RCL1: variants seen among roughly 807,000 people sequenced by gnomAD.
RCL1 encodes RNA terminal phosphate cyclase like 1, also known as RNA 3'-terminal phosphate cyclase-like protein.
In RCL1, 24 loss-of-function variants were observed where a neutral mutation model predicts 42.4. That is an observed-to-expected ratio of 0.57 (90% CI 0.41 to 0.80). The LOEUF is 0.80. Among genes scored for constraint, RCL1 ranks in the 30% least tolerant of loss-of-function variants. The pLI is 0.00. For synonymous variants in RCL1, 228 were observed against 177.3 expected, an observed-to-expected ratio of 1.29 and a Z score of -2.27; for missense variants, 578 against 467.9, an observed-to-expected ratio of 1.24 and a Z score of -2.17.
At chr9:4,836,543 G>A (rs1030501951) in intron 5 of RCL1, among the ~76,000 whole-genome samples, 1 of 152,076 alleles carries the variant, frequency 6.6e-6, no homozygotes, top group Non-Finnish European at 1.5e-5. Flanking sequence ...ACAGGATCTG[G>A]GTGGGAGCAG....
At chr9:4,793,279 C>G (rs751420456) in intron 1 of RCL1, 52 bp downstream of exon 1, 12 of 1,528,460 alleles carry the variant, frequency 7.9e-6, no homozygotes, top group Middle Eastern at 1.7e-4. Flanking sequence ...GAGGGGAGAC[C>G]GAGCTGATGC....
At chr9:4,813,790 A>G (rs1816267714) in intron 1 of RCL1, among the ~76,000 whole-genome samples, 2 of 152,222 alleles carry the variant, frequency 1.3e-5, no homozygotes, top group South Asian at 4.1e-4. Flanking sequence ...AACCAACCCA[A>G]ATGTCCATCA....
chr9:4,824,677 T>A (rs1012198783), intron 2 of RCL1, among the ~76,000 whole-genome samples: 3 of 152,196 alleles, frequency 2.0e-5, no homozygotes, highest in Non-Finnish European at 4.4e-5. Context: ...CTTTTCCCTA[T>A]CTTGGCTCTC....
intron 1 of RCL1, among the ~76,000 whole-genome samples, chr9:4,810,465 T>C (rs1816134838): frequency 6.6e-6 from 1 of 152,250 alleles, no homozygotes; most frequent in East Asian, 1.9e-4. Flanking sequence ...CTGGCCTCTT[T>C]AGCTCTGTTG....
At chr9:4,850,288 T>G (rs192306656) in intron 8 of RCL1, 10 of 533,348 alleles carry the variant, frequency 1.9e-5, no homozygotes, top group Non-Finnish European at 3.5e-5. Context: ...CAGGTAGATA[T>G]GAGACTGAAC....
chr9:4,824,874 A>G (rs964206915), intron 2 of RCL1, among the ~76,000 whole-genome samples: 1 of 152,186 alleles, frequency 6.6e-6, no homozygotes, highest in African/African-American at 2.4e-5. Context: ...TTTTTTCAGT[A>G]ACTTTCATTG....
rs563331806 is a variant in RCL1, at chr9:4,852,285, T to C, written c.971+2735T>C. Among the ~76,000 whole-genome samples, 24 of 152,316 alleles carry C rather than the reference T, an allele frequency of 1.6e-4. No individual in the cohort carries two copies. The South Asian group carries it at 5.0e-3, about 32-fold the overall frequency. On this transcript the variant is annotated intron_variant, in intron 8 of 8. Coordinates refer to ENST00000381750, the MANE Select transcript of RCL1 (RefSeq NM_005772.5). The stretch of plus-strand genomic sequence containing the variant: ...AAGATTCTATTTCTGTTAAATTTGT[T>C]GAGTTTTAGGTGGCTTACAGTTAGT...
intron 5 of RCL1, among the ~76,000 whole-genome samples, chr9:4,835,533 A>G (rs964885238): frequency 1.3e-5 from 2 of 152,238 alleles, no homozygotes; most frequent in African/African-American, 2.4e-5. Flanking sequence ...TTGACAGGAA[A>G]GAGAAGGAGA....
In RCL1 at chr9:4,848,518, G is replaced by C. The variant is rs371849512; in HGVS notation, c.868-929G>C. On this transcript the variant is annotated intron_variant, in intron 7 of 8. Coordinates refer to ENST00000381750, the MANE Select transcript of RCL1 (RefSeq NM_005772.5). ...ACCTATCCTGTTCAGTCTAGCCTTGGATAGTAACGTGCCTTGGTCAGACTG... is the reference window on the plus strand; with the variant it reads ...ACCTATCCTGTTCAGTCTAGCCTTGCATAGTAACGTGCCTTGGTCAGACTG... 8.5e-5 allele frequency among the ~76,000 whole-genome samples: 13 copies of C among 152,324 alleles called. No individual in the cohort carries two copies. In the South Asian group the frequency reaches 2.7e-3, roughly 32 times the overall value.
intron 3 of RCL1, among the ~76,000 whole-genome samples, chr9:4,831,910 AGTT>A (rs1171739801): frequency 6.6e-6 from 1 of 152,214 alleles, no homozygotes; most frequent in African/African-American, 2.4e-5. Context: ...AAATTCAGAT[AGTT>A]GTGATTTTCT....
At chr9:4,833,070 T>C (rs1228277933) in intron 3 of RCL1, 84 bp from the exon 4 acceptor site, 27 of 881,796 alleles carry the variant, frequency 3.1e-5, no homozygotes, top group Non-Finnish European at 5.0e-5. Context: ...ATCTACCTGG[T>C]TGCTAAGCCT....
intron 5 of RCL1, among the ~76,000 whole-genome samples, chr9:4,835,868 G>A (rs1449281630): frequency 6.6e-6 from 1 of 152,196 alleles, no homozygotes; most frequent in Non-Finnish European, 1.5e-5. Context: ...AAGTAGCATT[G>A]GGTAAATGGT....
intron 1 of RCL1, among the ~76,000 whole-genome samples, chr9:4,813,795 C>A (rs1816267996): frequency 6.6e-6 from 1 of 152,192 alleles, no homozygotes; most frequent in Admixed American, 6.5e-5. Context: ...ACCCAAATGT[C>A]CATCAGTGAT....
chr9:4,832,624 A>G (rs465346), intron 3 of RCL1, among the ~76,000 whole-genome samples: 72,547 of 151,450 alleles, frequency 0.48, 20,002 homozygotes, highest in East Asian at 0.76. Flanking sequence ...CCTGGCCAAC[A>G]TGGTGAAACC....
At chr9:4,823,695 C>CTT in intron 2 of RCL1, 76 bp downstream of exon 2, 2 of 978,330 alleles carry the variant, frequency 2.0e-6, no homozygotes, top group Non-Finnish European at 3.1e-6. Context: ...TTTTTCTTTC[C>CTT]TTTTTTTTTC....
chr9:4,809,369 G>A (rs1816090350), intron 1 of RCL1, among the ~76,000 whole-genome samples: 1 of 151,854 alleles, frequency 6.6e-6, no homozygotes, highest in Non-Finnish European at 1.5e-5. Context: ...GAGTGCAGTG[G>A]CAAGATCTTG....
chr9:4,823,620 G>T lies in RCL1; in HGVS notation c.208+1G>T, dbSNP rs1247919966. The T allele has an allele frequency of 6.2e-7, 1 of 1,604,992 alleles. No individual in the cohort carries two copies. The highest frequency in any genetic ancestry group is 8.5e-7 in the Non-Finnish European group (1 of 1,175,236). Reference sequence around the variant, plus strand: ...TCTCGAATTGAAATAAACCAAACAGGTAAGCTCCTTTTAGATTCCTAAAAG... The same window carrying T: ...TCTCGAATTGAAATAAACCAAACAGTTAAGCTCCTTTTAGATTCCTAAAAG... On this transcript the variant is annotated splice_donor_variant, in intron 2 of 8. Transcript: ENST00000381750. LOFTEE classifies it high-confidence loss of function.
At chr9:4,857,406 T>G (rs981155831) in intron 8 of RCL1, among the ~76,000 whole-genome samples, 2 of 152,210 alleles carry the variant, frequency 1.3e-5, no homozygotes, top group Non-Finnish European at 2.9e-5. Flanking sequence ...CATAATGTTT[T>G]CAGGGTTCAT....
intron 8 of RCL1, among the ~76,000 whole-genome samples, chr9:4,852,579 C>G (rs904838127): frequency 2.6e-5 from 4 of 152,066 alleles, no homozygotes; most frequent in African/African-American, 4.8e-5. Context: ...CATCTTGGAG[C>G]CTTGGTGTCA....
Sources: gnomAD v4.1 joint callset for allele counts (sites outside exome capture counted in the v4.1 genomes callset) on GRCh38, gnomAD v4.1.1 for gene constraint, MANE v1.5 for transcripts, NCBI Gene and HGNC (gene_info 2026-07-23, HGNC 2026-07-21) for gene names.